The following SPAG9 variants were observed in gnomAD, a reference collection of about 807,000 sequenced individuals.
The protein encoded by SPAG9 is C-Jun-amino-terminal kinase-interacting protein 4.
Under a neutral mutation model 166.5 loss-of-function variants are expected in SPAG9, and 35 were observed. That is an observed-to-expected ratio of 0.21 (90% CI 0.16 to 0.28). The LOEUF (loss-of-function observed/expected upper bound fraction) is 0.28, where lower values mean the gene tolerates loss of function less well. Among genes scored for constraint, SPAG9 ranks in the 10% least tolerant of loss-of-function variants. The pLI, the probability that SPAG9 is intolerant of heterozygous loss-of-function variation, is 1.00. For synonymous variants in SPAG9, 534 were observed against 565.5 expected, an observed-to-expected ratio of 0.94 and a Z score of 0.79; for missense variants, 1,235 against 1,603.3, an observed-to-expected ratio of 0.77 and a Z score of 3.92.
intron 3 of SPAG9, among the ~76,000 whole-genome samples, chr17:51,053,846 AAAAAAAAAGTATAT>A (rs2047252593): frequency 1.4e-5 from 1 of 72,110 alleles, no homozygotes; most frequent in African/African-American, 6.4e-5. Flanking sequence ...TAAAAAAAAA[AAAAAAAAAGTATAT>A]ATATATATAT....
intron 5 of SPAG9, among the ~76,000 whole-genome samples, chr17:51,036,707 G>T (rs192913027): frequency 1.1e-4 from 16 of 152,036 alleles, no homozygotes; most frequent in Admixed American, 7.2e-4. Context: ...ATGTTGCTGG[G>T]GCCCTGACTC....
At chr17:51,114,605 G>C (rs2049227930) in intron 1 of SPAG9, among the ~76,000 whole-genome samples, 1 of 152,156 alleles carries the variant, frequency 6.6e-6, no homozygotes, top group African/African-American at 2.4e-5. Flanking sequence ...ACCCCAGCCT[G>C]GGCAACAGAG....
At chr17:51,087,898 G>A (rs1236677435) in intron 1 of SPAG9, among the ~76,000 whole-genome samples, 1 of 151,996 alleles carries the variant, frequency 6.6e-6, no homozygotes, top group African/African-American at 2.4e-5. Context: ...ACTATACCCA[G>A]CTAAATTTTT....
chr17:51,016,134 A>T (rs927243865), intron 8 of SPAG9: 11 of 152,240 alleles, frequency 7.2e-5, no homozygotes, highest in Admixed American at 7.2e-4. Context: ...CTCCCAACCC[A>T]TATAGTTCTT....
intron 22 of SPAG9, 99 bp from the exon 23 acceptor site, chr17:50,985,877 T>C (rs1975011616): frequency 4.6e-6 from 3 of 650,402 alleles, no homozygotes; most frequent in Middle Eastern, 2.6e-4. Context: ...GAAAGAAGAG[T>C]AACATACAAA....
chr17:51,110,139 T>A (rs1019674713), intron 1 of SPAG9, among the ~76,000 whole-genome samples: 3 of 152,148 alleles, frequency 2.0e-5, no homozygotes, highest in South Asian at 2.1e-4. Flanking sequence ...ATATGTTAAG[T>A]ACTGAGGGGC....
At position 51,079,590 on chromosome 17, in the gene SPAG9, C is replaced by A; in HGVS notation, c.418G>T (p.Asp140Tyr). Residue 140 changes from aspartate (D) to tyrosine (Y), a missense_variant, in exon 2 of 30, where the codon GAC (aspartate) becomes TAC (tyrosine). Asp to Tyr is a radical substitution (Grantham distance 160). This residue lies in a region of SPAG9 where 288 missense variants were observed against 323.7 expected (regional missense o/e 0.89). Transcript: ENST00000262013. ...GAAGAAATGTTTTACTTACTCTGGT[C>A]AGCATAGTTTTTCGCTTTCAGCTCA... ...QLELKAKNYA[D>Y]QISRLEEREA... is the part of the protein sequence containing the mutation. 1 of 1,613,568 alleles carries A rather than the reference C, an allele frequency of 6.2e-7. No homozygotes were observed. The highest frequency in any genetic ancestry group is 1.1e-5 in the South Asian group (1 of 90,978).
intron 2 of SPAG9, among the ~76,000 whole-genome samples, chr17:51,063,948 AAAAAT>A (rs754853080): frequency 1.3e-5 from 2 of 152,228 alleles, no homozygotes; most frequent in African/African-American, 4.8e-5. Context: ...GGAATTTTAA[AAAAAT>A]AAAATAAAAG....
At chr17:51,058,020 G>T (rs73986885) in intron 2 of SPAG9, among the ~76,000 whole-genome samples, 8,691 of 152,156 alleles carry the variant, frequency 0.057, 737 homozygotes, top group African/African-American at 0.19. Context: ...CTGATTAAAA[G>T]CTTAAAGGAA....
chr17:50,979,897 G>A lies in SPAG9; in HGVS notation c.3258C>T (p.Pro1086=), dbSNP rs1171509292. Residue 1086 remains proline, a synonymous_variant, in exon 26 of 30, where the codon CCC becomes CCT. Transcript: ENST00000262013. ...GCTGTCGCACTTGGCTCTCCTTCCTGGGATGTGCATCAAAAGATTTCTAGG... is the reference window on the plus strand; with the variant it reads ...GCTGTCGCACTTGGCTCTCCTTCCTAGGATGTGCATCAAAAGATTTCTAGG... ...MKIEKSFDAH[P]RKESQVRQLA... The A allele has an allele frequency of 1.9e-6, 3 of 1,613,448 alleles. No homozygotes were observed. The highest frequency in any genetic ancestry group is 2.5e-6 in the Non-Finnish European group (3 of 1,179,568).
At chr17:51,041,092 T>C (rs2046820537) in intron 5 of SPAG9, among the ~76,000 whole-genome samples, 1 of 152,186 alleles carries the variant, frequency 6.6e-6, no homozygotes, top group South Asian at 2.1e-4. Context: ...AGGAACAGTG[T>C]GTTTGTTTTG....
At chr17:51,023,654 G>T (rs1237566325) in intron 6 of SPAG9, among the ~76,000 whole-genome samples, 3 of 151,948 alleles carry the variant, frequency 2.0e-5, no homozygotes, top group Admixed American at 6.6e-5. Flanking sequence ...ATTTTTCCAG[G>T]CGTACATGAA....
At chr17:50,975,798 G>A in intron 27 of SPAG9, 2 of 1,186,680 alleles carry the variant, frequency 1.7e-6, no homozygotes, top group Non-Finnish European at 2.4e-6. Context: ...CTAGAGGAGT[G>A]GTAACAGCCT....
chr17:50,966,171 G>A lies in SPAG9; in HGVS notation c.*101C>T, dbSNP rs961186573. ...AGGAAAAAATGCTCACACATTATGT[G>A]GTGAAACTTATCTCACAAAAGAGCA... On this transcript the variant is annotated 3_prime_UTR_variant, in exon 30 of 30. Coordinates refer to ENST00000262013, the MANE Select transcript of SPAG9 (RefSeq NM_001130528.3). 2 of 786,606 alleles carry A rather than the reference G, an allele frequency of 2.5e-6. No individual in the cohort carries two copies. Among genetic ancestry groups the A allele is most frequent in the Admixed American group, 3.7e-5 (2 of 53,996 alleles). 48.7% of individuals were successfully genotyped at this position (786,606 alleles called of 1,614,324 possible).
At chr17:51,020,118 T>C (rs1568006356) in intron 8 of SPAG9, 41 bp downstream of exon 8, 2 of 1,168,358 alleles carry the variant, frequency 1.7e-6, no homozygotes, top group South Asian at 1.2e-5. Context: ...GAGTTGGGGG[T>C]GGGGGGCGCA....
At chr17:51,014,428 G>A (rs2045615809) in intron 8 of SPAG9, 75 bp from the exon 9 acceptor site, 2 of 1,333,322 alleles carry the variant, frequency 1.5e-6, no homozygotes, top group African/African-American at 3.0e-5. Context: ...GAATACAATA[G>A]GCTAAGCTAC....
At chr17:51,063,926 T>TA (rs1292581502) in intron 2 of SPAG9, among the ~76,000 whole-genome samples, 2 of 151,778 alleles carry the variant, frequency 1.3e-5, no homozygotes, top group East Asian at 3.9e-4. Context: ...AAGTAAAAAA[T>TA]AATAATAAAA....
intron 29 of SPAG9, among the ~76,000 whole-genome samples, chr17:50,967,093 T>C (rs911407109): frequency 5.3e-5 from 8 of 152,212 alleles, no homozygotes; most frequent in African/African-American, 1.4e-4. Flanking sequence ...GATCAGACAC[T>C]GGCTTCCAAG....
chr17:51,082,591 T>C (rs1448184632), intron 1 of SPAG9, among the ~76,000 whole-genome samples: 1 of 152,042 alleles, frequency 6.6e-6, no homozygotes, highest in African/African-American at 2.4e-5. Context: ...AGAATGATGA[T>C]AGCAGCACAT....
Sources: allele counts gnomAD v4.1 joint callset (sites outside exome capture counted in the v4.1 genomes callset), GRCh38; gene constraint gnomAD v4.1.1; regional missense constraint gnomAD v4.1.1; transcripts MANE v1.5; gene names NCBI Gene and HGNC (gene_info 2026-07-23, HGNC 2026-07-21).